Variants in SLC71A2 observed in about 807,000 individuals in gnomAD.
SLC71A2 encodes the protein solute carrier family 71 member 2.
chr9:94,403,130 G>GCTCCT, the SLC71A2 span, among the ~76,000 whole-genome samples: 15 of 151,942 alleles, frequency 9.9e-5, no homozygotes, highest in Admixed American at 2.0e-4. Flanking sequence ...TTTGTGACTG[G>GCTCCT]CTCCTTTCCT....
chr9:94,384,118 A>C, the SLC71A2 span, among the ~76,000 whole-genome samples: 2 of 152,120 alleles, frequency 1.3e-5, no homozygotes, highest in East Asian at 3.9e-4. Context: ...CTTCTTTCAA[A>C]ACAAATTCTA....
chr9:94,440,954 C>T, the SLC71A2 span: 1 of 1,393,984 alleles, frequency 7.2e-7, no homozygotes, highest in East Asian at 2.3e-5. Context: ...CACTCCCTTT[C>T]CCTTGGGTCA....
the SLC71A2 span, chr9:94,458,545 CATTCTTTCTTGTATG>C: frequency 7.4e-7 from 1 of 1,346,804 alleles, no homozygotes; most frequent in Non-Finnish European, 1.1e-6. Context: ...ATTTGGAGAG[CATTCTTTCTTGTATG>C]TTACTATATT....
At chr9:94,378,142 A>T in the SLC71A2 span, among the ~76,000 whole-genome samples, 2 of 141,864 alleles carry the variant, frequency 1.4e-5, no homozygotes, top group African/African-American at 5.2e-5. Context: ...AAAAAAAAGG[A>T]GGTGTATGTT....
the SLC71A2 span, among the ~76,000 whole-genome samples, chr9:94,397,321 A>G: frequency 1.3e-5 from 2 of 152,254 alleles, no homozygotes; most frequent in East Asian, 3.9e-4. Flanking sequence ...ATTATCAGCT[A>G]AAAGCAGCCA....
At chr9:94,379,574 A>G in the SLC71A2 span, among the ~76,000 whole-genome samples, 2 of 150,936 alleles carry the variant, frequency 1.3e-5, no homozygotes, top group Non-Finnish European at 2.9e-5. Context: ...ATTTTTTTGT[A>G]GAGATTGGGT....
chr9:94,379,089 C>CTTTTTTTTTTTTTT, the SLC71A2 span, among the ~76,000 whole-genome samples: 252 of 83,856 alleles, frequency 3.0e-3, 5 homozygotes, highest in African/African-American at 9.0e-3. Context: ...TGTGCATTTC[C>CTTTTTTTTTTTTTT]TTTTTTTTTT....
At chr9:94,414,622 C>G in the SLC71A2 span, among the ~76,000 whole-genome samples, 1 of 152,114 alleles carries the variant, frequency 6.6e-6, no homozygotes, top group East Asian at 1.9e-4. Context: ...TCTACTAAAG[C>G]TCCAGTGATT....
chr9:94,459,529 GT>G, the SLC71A2 span: 1 of 1,001,386 alleles, frequency 1.0e-6, no homozygotes, highest in Non-Finnish European at 1.4e-6. Context: ...TCAGGGCCAA[GT>G]TTGATAAATA....
At chr9:94,377,915 G>T in the SLC71A2 span, among the ~76,000 whole-genome samples, 2 of 152,058 alleles carry the variant, frequency 1.3e-5, no homozygotes, top group South Asian at 4.2e-4. Flanking sequence ...GACCATCCTG[G>T]CCAACATGGT....
chr9:94,428,552 A>G, the SLC71A2 span, among the ~76,000 whole-genome samples: 1 of 150,676 alleles, frequency 6.6e-6, no homozygotes, highest in Non-Finnish European at 1.5e-5. Flanking sequence ...AGAGGAAGGT[A>G]CAGAGATTTC....
the SLC71A2 span, among the ~76,000 whole-genome samples, chr9:94,405,507 A>AAG: frequency 6.6e-6 from 1 of 151,178 alleles, no homozygotes; most frequent in African/African-American, 2.4e-5. Context: ...TCAAAAAAAA[A>AAG]AAAAAAAAAA....
At chr9:94,375,446 A>G in the SLC71A2 span, among the ~76,000 whole-genome samples, 2 of 151,576 alleles carry the variant, frequency 1.3e-5, no homozygotes, top group South Asian at 2.1e-4. Context: ...CTCTTTCTCC[A>G]GTTTTACTTT....
At chr9:94,456,089 T>TA in the SLC71A2 span, 3,635 of 510,458 alleles carry the variant, frequency 7.1e-3, 23 homozygotes, top group African/African-American at 0.036. Flanking sequence ...CCTTGTAGGT[T>TA]AAAAAAAAAA....
chr9:94,378,730 A>C, the SLC71A2 span, among the ~76,000 whole-genome samples: 1 of 152,206 alleles, frequency 6.6e-6, no homozygotes, highest in Non-Finnish European at 1.5e-5. Context: ...AACAGCTGCC[A>C]CTAGACCCCA....
the SLC71A2 span, among the ~76,000 whole-genome samples, chr9:94,411,518 T>C: frequency 6.6e-6 from 1 of 152,170 alleles, no homozygotes; most frequent in Non-Finnish European, 1.5e-5. Flanking sequence ...GGTCATGGCC[T>C]AGATTCACTA....
chr9:94,421,909 C>A, the SLC71A2 span, among the ~76,000 whole-genome samples: 1 of 152,094 alleles, frequency 6.6e-6, no homozygotes, highest in East Asian at 1.9e-4. Context: ...GTTATAGTTT[C>A]TCTTTTTCTT....
At chr9:94,459,184 G>A in the SLC71A2 span, 3 of 1,613,852 alleles carry the variant, frequency 1.9e-6, no homozygotes, top group African/African-American at 1.3e-5. Context: ...CAGGCCCGCC[G>A]TTTTTATTTG....
chr9:94,416,485 G>C, the SLC71A2 span, among the ~76,000 whole-genome samples: 1 of 152,200 alleles, frequency 6.6e-6, no homozygotes, highest in Non-Finnish European at 1.5e-5. Context: ...TTTAGAGGGT[G>C]GCTGTTAGCC....
Sources: gnomAD v4.1 joint callset for allele counts (sites outside exome capture counted in the v4.1 genomes callset) on GRCh38, gnomAD v4.1.1 for gene constraint, MANE v1.5 for transcripts, NCBI Gene and HGNC (gene_info 2026-07-23, HGNC 2026-07-21) for gene names.